The following NINL variants were observed in gnomAD, a reference collection of about 807,000 sequenced individuals.
NINL encodes ninein like.
Under a neutral mutation model 160.3 loss-of-function variants are expected in NINL, and 153 were observed. That is an observed-to-expected ratio of 0.95 (90% CI 0.84 to 1.09). NINL has a LOEUF of 1.09. Ranked by LOEUF, NINL falls within the 50% of genes least tolerant of loss-of-function variation. The pLI is 0.00. For missense variants in NINL, 1,829 were observed against 1,764.0 expected, an observed-to-expected ratio of 1.04 and a Z score of -0.66; for synonymous variants, 800 against 734.8, an observed-to-expected ratio of 1.09 and a Z score of -1.43.
intron 1 of NINL, among the ~76,000 whole-genome samples, chr20:25,582,023 C>T (rs1345537161): frequency 2.0e-5 from 3 of 151,708 alleles, no homozygotes; most frequent in Non-Finnish European, 4.4e-5. Flanking sequence ...CTTGGGAGGC[C>T]GAGCGGGGTG....
intron 17 of NINL, among the ~76,000 whole-genome samples, chr20:25,470,514 A>T (rs1404372502): frequency 6.6e-6 from 1 of 152,172 alleles, no homozygotes; most frequent in African/African-American, 2.4e-5. Flanking sequence ...GAAACACAGG[A>T]ATCAGAAGGC....
intron 20 of NINL, among the ~76,000 whole-genome samples, chr20:25,461,912 TA>T (rs1350023207): frequency 6.6e-6 from 1 of 152,126 alleles, no homozygotes. Context: ...GGGCATTAGT[TA>T]TGATTTGAAA....
chr20:25,576,664 A>C (rs2065119075), intron 1 of NINL, among the ~76,000 whole-genome samples: 1 of 151,764 alleles, frequency 6.6e-6, no homozygotes, highest in Non-Finnish European at 1.5e-5. Flanking sequence ...GTTTCAGTAC[A>C]TTGCCCAGGT....
chr20:25,455,066 G>A (rs578089366), intron 23 of NINL, among the ~76,000 whole-genome samples: 22 of 152,118 alleles, frequency 1.4e-4, no homozygotes, highest in East Asian at 1.2e-3. Flanking sequence ...ATGGCTGTCC[G>A]CTGCCTGGAA....
chr20:25,460,240 G>C (rs978561028), intron 21 of NINL, among the ~76,000 whole-genome samples: 6 of 152,202 alleles, frequency 3.9e-5, no homozygotes, highest in Admixed American at 2.6e-4. Flanking sequence ...CACTCTTAGG[G>C]AGCCCCATCT....
chr20:25,472,125 T>C (rs888262680), intron 17 of NINL, among the ~76,000 whole-genome samples: 3 of 151,724 alleles, frequency 2.0e-5, no homozygotes, highest in Admixed American at 1.3e-4. Context: ...AATGTCAAAA[T>C]AAAAACTCAT....
At position 25,479,031 on chromosome 20, in the gene NINL, T is replaced by C. The variant is rs1259430455; in HGVS notation, c.2093A>G (p.Gln698Arg). The C allele has an allele frequency of 5.0e-6, 8 of 1,610,804 alleles. No individual in the cohort carries two copies. The highest frequency in any genetic ancestry group is 6.8e-6 in the Non-Finnish European group (8 of 1,179,984). ...AGGCTCGGGGCCGCGGGCTGTGTCC[T>C]GCAGCTGCTCCTGCAGGCCCCAGAT... ...EVIWGLQEQL[Q>R]DTARGPEPEQ... Residue 698 changes from glutamine to arginine, a missense_variant, in exon 16 of 24, where the codon CAG becomes CGG. Coordinates refer to ENST00000278886, the MANE Select transcript of NINL (RefSeq NM_025176.6).
chr20:25,480,231 A>G lies in NINL; in HGVS notation c.1847T>C (p.Ile616Thr). ...CTGCTCCATCATCAGCTCCGTTTCT[A>G]TACTCACTGGAGCAGAATTACCCAG... ...SFLGNSAPVS[I>T]ETELMMEQVK... is the part of the protein sequence containing the mutation. The change falls in exon 15 of 24, where the codon ATA (isoleucine) becomes ACA (threonine). Residue 616 changes from isoleucine (I) to threonine (T), a missense_variant. Transcript: ENST00000278886. 2 of 1,613,982 alleles carry G rather than the reference A, an allele frequency of 1.2e-6. No individual in the cohort carries two copies. The highest frequency in any genetic ancestry group is 1.7e-6 in the Non-Finnish European group (2 of 1,180,000).
In NINL at chr20:25,505,008, G is replaced by A. The variant is rs750274285; in HGVS notation, c.588C>T (p.Thr196=). 1.2e-6 allele frequency: 2 copies of A among 1,613,524 alleles called. No homozygotes were observed. Among genetic ancestry groups the A allele is most frequent in the East Asian group, 2.2e-5 (1 of 44,854 alleles). ...PQKSCSPSFD[T]PESQIRGVWE... ...ACACGCCCCGGATCTGGCTCTCTGG[G>A]GTGTCAAAGGAGGGGCTGCAGGACT... is the stretch of plus-strand genomic sequence containing the variant. The change falls in exon 6 of 24, where the codon ACC becomes ACT. Residue 196 remains threonine, a synonymous_variant. Coordinates refer to ENST00000278886, the MANE Select transcript of NINL (RefSeq NM_025176.6).
At chr20:25,550,171 A>C (rs543353858) in intron 1 of NINL, among the ~76,000 whole-genome samples, 1 of 152,336 alleles carries the variant, frequency 6.6e-6, no homozygotes, top group East Asian at 1.9e-4. Context: ...ACCTGAGGCC[A>C]GGAGTTCGGG....
At chr20:25,497,881 A>T (rs2063790123) in intron 9 of NINL, among the ~76,000 whole-genome samples, 1 of 152,140 alleles carries the variant, frequency 6.6e-6, no homozygotes, top group Non-Finnish European at 1.5e-5. Flanking sequence ...GATCCCAAGC[A>T]CCTCAACAAG....
intron 18 of NINL, among the ~76,000 whole-genome samples, chr20:25,467,770 C>G (rs550558787): frequency 2.6e-5 from 4 of 152,196 alleles, no homozygotes; most frequent in African/African-American, 9.7e-5. Context: ...TGACATTCCT[C>G]AATCAAATAC....
rs2063592830 is a variant in NINL, at chr20:25,490,102, C to T, written c.1486-117G>A. ...TGGGCATCAGGAAAGAACCCCCACC[C>T]ACCGCAGGCGAGGCACCTGGTGCTG... On this transcript the variant is annotated intron_variant, in intron 11 of 23. Coordinates refer to ENST00000278886, the MANE Select transcript of NINL (RefSeq NM_025176.6). 4 of 923,946 alleles carry T rather than the reference C, an allele frequency of 4.3e-6. No individual in the cohort carries two copies. In the African/African-American group the frequency reaches 6.5e-5, roughly 15 times the overall value. 57.2% of individuals were successfully genotyped at this position (923,946 alleles called of 1,614,324 possible).
intron 20 of NINL, 76 bp from the exon 21 acceptor site, chr20:25,461,711 G>C (rs2062790111): frequency 1.0e-6 from 1 of 976,218 alleles, no homozygotes; most frequent in Non-Finnish European, 1.6e-6. Flanking sequence ...AAAAACCTCA[G>C]AAAATTACAG....
chr20:25,553,469 CTG>C (rs2064829061), intron 1 of NINL, among the ~76,000 whole-genome samples: 1 of 152,152 alleles, frequency 6.6e-6, no homozygotes, highest in Non-Finnish European at 1.5e-5. Flanking sequence ...AAGGTACTTT[CTG>C]ATTTTCTTTA....
intron 15 of NINL, 54 bp downstream of exon 15, chr20:25,480,107 C>T: frequency 7.6e-7 from 1 of 1,324,244 alleles, no homozygotes; most frequent in South Asian, 1.2e-5. Flanking sequence ...AGTAAAGCTG[C>T]CCAACACACA....
At position 25,526,519 on chromosome 20, in the gene NINL, C is replaced by T; in HGVS notation, c.69G>A (p.Gly23=). 3 of 1,614,196 alleles carry T rather than the reference C, an allele frequency of 1.9e-6. No homozygotes were observed. The highest frequency in any genetic ancestry group is 2.2e-5 in the East Asian group (1 of 44,890). ...GCTCCTGGCGGTCCAGAAAGCCAGT[C>T]CCCGTGGTGTCGCAGCTGCTGTAGA... ...REVYSSCDTT[G]TGFLDRQELT... The change falls in exon 2 of 24, where the codon GGG becomes GGA. Residue 23 remains glycine (G), a synonymous_variant. Coordinates refer to ENST00000278886, the MANE Select transcript of NINL (RefSeq NM_025176.6).
intron 1 of NINL, among the ~76,000 whole-genome samples, chr20:25,556,683 T>TATGATCCCA (rs1286163163): frequency 2.0e-5 from 3 of 152,124 alleles, no homozygotes; most frequent in Admixed American, 2.0e-4. Context: ...GGTATATGCC[T>TATGATCCCA]ATGATCCCAA....
intron 20 of NINL, 86 bp downstream of exon 20, chr20:25,462,297 A>G: frequency 7.7e-7 from 1 of 1,290,420 alleles, no homozygotes; most frequent in Non-Finnish European, 1.1e-6. Context: ...CAGGCTCCTC[A>G]GCGCGTGTCC....
Sources: allele counts gnomAD v4.1 joint callset (sites outside exome capture counted in the v4.1 genomes callset), GRCh38; gene constraint gnomAD v4.1.1; transcripts MANE v1.5; gene names NCBI Gene and HGNC (gene_info 2026-07-23, HGNC 2026-07-21).